The following SIPA1L2 variants were observed in gnomAD, a reference collection of about 807,000 sequenced individuals.
SIPA1L2 encodes the protein signal-induced proliferation-associated 1-like protein 2.
Under a neutral mutation model 163.9 loss-of-function variants are expected in SIPA1L2, and 56 were observed. The ratio of observed to expected loss-of-function variants is 0.34; its 90% CI spans 0.28 to 0.43. SIPA1L2 has a LOEUF of 0.43. SIPA1L2 is among the 20% of genes least tolerant of loss of function. The pLI, the probability that SIPA1L2 is intolerant of heterozygous loss-of-function variation, is 1.00. For synonymous variants in SIPA1L2, 877 were observed against 865.7 expected (o/e 1.01, Z -0.23); for missense variants, 1,974 against 2,193.5 (o/e 0.90, Z 2.00).
At chr1:232,534,161 A>G (rs1440061318) in intron 2 of SIPA1L2, among the ~76,000 whole-genome samples, 3 of 152,246 alleles carry the variant, frequency 2.0e-5, no homozygotes, top group Non-Finnish European at 4.4e-5. Context: ...TACAGTAATC[A>G]AAACACTGTG....
chr1:232,480,884 T>G (rs560205750), intron 6 of SIPA1L2, among the ~76,000 whole-genome samples: 5 of 152,198 alleles, frequency 3.3e-5, no homozygotes, highest in Non-Finnish European at 5.9e-5. Flanking sequence ...ACTTATTATA[T>G]TCTTTCTGAA....
chr1:232,577,060 G>A (rs1285674), intron 1 of SIPA1L2, among the ~76,000 whole-genome samples: 45,296 of 152,008 alleles, frequency 0.3, 6,814 homozygotes, highest in Middle Eastern at 0.37. Flanking sequence ...GAGAGGGGAA[G>A]TCAATGCCTG....
chr1:232,466,816 C>CA (rs1454848717), intron 8 of SIPA1L2, among the ~76,000 whole-genome samples: 8 of 151,904 alleles, frequency 5.3e-5, no homozygotes, highest in Non-Finnish European at 1.2e-4. Context: ...GAAACAAAAA[C>CA]AAAAAAACAA....
intron 4 of SIPA1L2, among the ~76,000 whole-genome samples, chr1:232,493,164 T>C (rs1324607355): frequency 1.3e-5 from 2 of 152,156 alleles, no homozygotes; most frequent in Non-Finnish European, 2.9e-5. Flanking sequence ...TGATAAGATG[T>C]GCTTGCTTCC....
intron 1 of SIPA1L2, among the ~76,000 whole-genome samples, chr1:232,611,710 G>A (rs989277386): frequency 6.6e-6 from 1 of 152,116 alleles, no homozygotes; most frequent in African/African-American, 2.4e-5. Flanking sequence ...TGCTGTTAAC[G>A]GCATTCAGTT....
rs116012369 is a variant in SIPA1L2 at position 232,480,988 on chromosome 1, C to T, written c.1982-1258G>A. ...TATCCTATAGAGTTCTTAGATGCTC[C>T]AAAAGACATTCATAAAAGGCATTTT... On this transcript the variant is annotated intron_variant, in intron 6 of 22. Transcript: ENST00000674635. Among the ~76,000 whole-genome samples the T allele has an allele frequency of 4.5e-3, 677 of 152,048 alleles. 8 individuals carry two copies. Among genetic ancestry groups the T allele is most frequent in the African/African-American group, 0.016 (647 of 41,458 alleles).
At chr1:232,555,872 A>G (rs1255507200) in intron 2 of SIPA1L2, among the ~76,000 whole-genome samples, 1 of 152,210 alleles carries the variant, frequency 6.6e-6, no homozygotes, top group Non-Finnish European at 1.5e-5. Context: ...TCACAAAGGT[A>G]TTAGCTCACA....
chr1:232,465,119 G>T lies in SIPA1L2; in HGVS notation c.2541C>A (p.Ala847=). Residue 847 remains alanine, a synonymous_variant, in exon 9 of 23, where the codon GCC becomes GCA. Coordinates refer to ENST00000674635, the MANE Select transcript of SIPA1L2 (RefSeq NM_020808.5). The surrounding 1 kb of genome is among the most constrained non-coding windows in gnomAD (Gnocchi z 4.1). Reference sequence around the variant, plus strand: ...TGATGGCCCCAATGCTAAACAAGTGGGCATCCTTCCTTGGCTTTACCTTCT... The same window carrying T: ...TGATGGCCCCAATGCTAAACAAGTGTGCATCCTTCCTTGGCTTTACCTTCT... ...KKEKVKPRKD[A]HLFSIGAIMW... is the part of the protein sequence containing the mutation. 6.2e-7 allele frequency: 1 copy of T among 1,614,120 alleles called. No individual in the cohort carries two copies. The highest frequency in any genetic ancestry group is 8.5e-7 in the Non-Finnish European group (1 of 1,180,018).
intron 6 of SIPA1L2, among the ~76,000 whole-genome samples, chr1:232,481,475 GA>G (rs376290141): frequency 6.7e-6 from 1 of 149,040 alleles, no homozygotes; most frequent in Non-Finnish European, 1.5e-5. Flanking sequence ...TTGCGGGGGG[GA>G]AAAGTACTTC....
chr1:232,430,735 C>T (rs148101749), intron 16 of SIPA1L2, among the ~76,000 whole-genome samples: 87 of 152,284 alleles, frequency 5.7e-4, no homozygotes, highest in African/African-American at 1.9e-3. Context: ...CGGCCTCTTG[C>T]GATAACCAGT....
chr1:232,511,503 G>A (rs1666979092), intron 3 of SIPA1L2, among the ~76,000 whole-genome samples: 1 of 152,174 alleles, frequency 6.6e-6, no homozygotes, highest in South Asian at 2.1e-4. Context: ...CTGGATTGAT[G>A]CAAAAACAGG....
intron 2 of SIPA1L2, among the ~76,000 whole-genome samples, chr1:232,544,975 G>C (rs943403948): frequency 6.6e-6 from 1 of 152,102 alleles, no homozygotes; most frequent in Admixed American, 6.6e-5. Flanking sequence ...ACCTGTAAAC[G>C]GGACAGGCCC....
At chr1:232,399,889 A>C (rs1660230434) in intron 22 of SIPA1L2, among the ~76,000 whole-genome samples, 1 of 152,168 alleles carries the variant, frequency 6.6e-6, no homozygotes, top group South Asian at 2.1e-4. Context: ...CTAAATGAAT[A>C]GAGGGGTCAC....
chr1:232,441,280 A>G lies in SIPA1L2; in HGVS notation c.3642+11T>C, dbSNP rs1662877431. The G allele has an allele frequency of 6.3e-7, 1 of 1,587,548 alleles. No individual in the cohort carries two copies. The stretch of plus-strand genomic sequence containing the variant: ...CTAGGCCAGTGAAGGGCTTATGAAC[A>G]AAGGACTTACGTGAGAAAGCTTATT... On this transcript the variant is annotated intron_variant, in intron 14 of 22. Coordinates refer to ENST00000674635, the MANE Select transcript of SIPA1L2 (RefSeq NM_020808.5).
In SIPA1L2 at chr1:232,493,605, G is replaced by C; in HGVS notation, c.1539C>G (p.Ile513Met). The change falls in exon 4 of 23, where the codon ATC becomes ATG. Residue 513 changes from isoleucine (I) to methionine (M), a missense_variant. This residue lies in a region of SIPA1L2 where 288 missense variants were observed against 418.9 expected (regional missense o/e 0.69). Coordinates refer to ENST00000674635, the MANE Select transcript of SIPA1L2 (RefSeq NM_020808.5). ...DENLGPVAVS[I>M]RREKVEDAKE... is the part of the protein sequence containing the mutation. Reference sequence around the variant, plus strand: ...TGGCATCTTCCACCTTCTCTCTCCGGATGCTGACTGCTACTGGACCAAGGT... The same window carrying C: ...TGGCATCTTCCACCTTCTCTCTCCGCATGCTGACTGCTACTGGACCAAGGT... 6.2e-7 allele frequency: 1 copy of C among 1,614,012 alleles called. No individual in the cohort carries two copies. Among genetic ancestry groups the C allele is most frequent in the Non-Finnish European group, 8.5e-7 (1 of 1,180,008 alleles).
chr1:232,469,904 T>C (rs1226273113), intron 8 of SIPA1L2, among the ~76,000 whole-genome samples: 2 of 151,836 alleles, frequency 1.3e-5, no homozygotes, highest in African/African-American at 4.8e-5. Context: ...TGAACAGGTA[T>C]TGCCTATCTT....
intron 1 of SIPA1L2, among the ~76,000 whole-genome samples, chr1:232,576,432 G>A (rs1660079999): frequency 6.6e-6 from 1 of 152,180 alleles, no homozygotes; most frequent in African/African-American, 2.4e-5. Flanking sequence ...ATAAAACAGT[G>A]TATTTAATCC....
Position 232,571,983 on chromosome 1 carries a change from T to G in SIPA1L2, c.-270+2191A>C, listed in dbSNP as rs79423286. ...CACAAAAAGGGGCTAACACAATGCA[T>G]CACAAATGTGCTCCCTATTGTATAC... On this transcript the variant is annotated intron_variant, in intron 2 of 22. Transcript: ENST00000674635. 6.4e-3 allele frequency among the ~76,000 whole-genome samples: 970 copies of G among 152,276 alleles called. 23 individuals are homozygous for G. The highest frequency in any genetic ancestry group is 0.027 in the Admixed American group (420 of 15,294).
chr1:232,607,159 A>G (rs1661965729), intron 1 of SIPA1L2, among the ~76,000 whole-genome samples: 1 of 151,916 alleles, frequency 6.6e-6, no homozygotes, highest in Admixed American at 6.6e-5. Flanking sequence ...GCTGGAAAAC[A>G]AATGCAAAAA....
Sources: gnomAD v4.1 joint callset for allele counts (sites outside exome capture counted in the v4.1 genomes callset) on GRCh38, gnomAD v4.1.1 for gene constraint, gnomAD v4.1.1 regional missense constraint, Gnocchi (gnomAD v3.1) non-coding constraint, MANE v1.5 for transcripts, NCBI Gene and HGNC (gene_info 2026-07-23, HGNC 2026-07-21) for gene names.